The following SUN1 variants were observed in gnomAD, a reference collection of about 807,000 sequenced individuals.
SUN1 encodes SUN domain-containing protein 1.
A neutral mutation model predicts 103.2 loss-of-function variants in SUN1; 61 were observed. The ratio of observed to expected loss-of-function variants is 0.59; its 90% confidence interval spans 0.48 to 0.73. The LOEUF is 0.73. Ranked by LOEUF, SUN1 falls within the 30% of genes least tolerant of loss-of-function variation. The pLI is 0.00. For missense variants in SUN1, 1,052 were observed against 1,034.6 expected (o/e 1.02, Z -0.23); for synonymous variants, 490 against 425.7 (o/e 1.15, Z -1.86).
In SUN1 at chr7:852,023, G is replaced by C; in HGVS notation, c.831G>C (p.Leu277=). ...AGTTTGTTACTTTGATTTCTTGGCT[G>C]AATGTGTTTCTTCTTACCAGGTAAG... ...WYQFVTLISW[L]NVFLLTRCLR... Residue 277 remains leucine, a synonymous_variant, in exon 7 of 19, where the codon CTG becomes CTC. Transcript: ENST00000401592. 1 of 1,614,128 alleles carries C rather than the reference G, an allele frequency of 6.2e-7. No individual in the cohort carries two copies. The highest frequency in any genetic ancestry group is 1.7e-5 in the Admixed American group (1 of 60,022).
Position 854,947 on chromosome 7 carries a change from C to T in SUN1, c.1291C>T (p.His431Tyr). The change falls in exon 11 of 19, where the codon CAT becomes TAT. Residue 431 changes from histidine to tyrosine, a missense_variant. This residue lies in a region of SUN1 where 846 missense variants were observed against 774.5 expected (regional missense o/e 1.09). Transcript: ENST00000401592. Reference sequence around the variant, plus strand: ...TGACTTTATGGCCTTTCACCAAGAACATGAAGTGCGTATGTCACACTTGGA... The same window carrying T: ...TGACTTTATGGCCTTTCACCAAGAATATGAAGTGCGTATGTCACACTTGGA... ...ETDFMAFHQE[H>Y]EVRMSHLEDI... is the part of the protein sequence containing the mutation. The T allele has an allele frequency of 1.2e-6, 2 of 1,613,708 alleles. No homozygotes were observed. The highest frequency in any genetic ancestry group is 2.2e-5 in the South Asian group (2 of 91,008).
rs182071612 is a variant in SUN1 at position 858,875 on chromosome 7, C to T, written c.1524+918C>T. On this transcript the variant is annotated intron_variant, in intron 13 of 18. Transcript: ENST00000401592. ...GGTGACAGAGAAAGCATGCGATAGG[C>T]CGGGCGCCGCGGCTCACGCCTGTGA... Among the ~76,000 whole-genome samples the T allele has an allele frequency of 9.2e-5, 14 of 152,260 alleles. No homozygotes were observed. The East Asian group carries it at 2.1e-3, about 23-fold the overall frequency.
intron 10 of SUN1, among the ~76,000 whole-genome samples, chr7:854,109 T>C (rs1331998793): frequency 6.6e-6 from 1 of 152,116 alleles, no homozygotes; most frequent in African/African-American, 2.4e-5. Context: ...CCTTCTCTTG[T>C]GAAGAAAACA....
intron 13 of SUN1, among the ~76,000 whole-genome samples, chr7:858,826 A>G (rs1384664031): frequency 3.3e-5 from 5 of 152,214 alleles, no homozygotes; most frequent in Non-Finnish European, 5.9e-5. Flanking sequence ...GAGAGCCCCT[A>G]TAATGGGTAG....
At chr7:827,126 A>G (rs188423167) in intron 1 of SUN1, among the ~76,000 whole-genome samples, 4 of 152,134 alleles carry the variant, frequency 2.6e-5, no homozygotes, top group East Asian at 1.9e-4. Flanking sequence ...GGTTCAAGCA[A>G]TTCTCATGCC....
chr7:846,148 G>A (rs550840716), intron 5 of SUN1, among the ~76,000 whole-genome samples: 11 of 151,910 alleles, frequency 7.2e-5, no homozygotes, highest in Non-Finnish European at 1.5e-4. Context: ...TTGCTCTGTT[G>A]CCCAGGCTGG....
rs1210911646 is a variant in SUN1, at chr7:840,727, C to T, written c.267-1219C>T. On this transcript the variant is annotated intron_variant, in intron 2 of 18. Transcript: ENST00000401592. Reference sequence around the variant, plus strand: ...TGCAATCTCGACTCACCACAAGCTCCGCCTCCTGGGTTCACGCCATTCTCC... The same window carrying T: ...TGCAATCTCGACTCACCACAAGCTCTGCCTCCTGGGTTCACGCCATTCTCC... Among the ~76,000 whole-genome samples, 5 of 151,132 alleles carry T rather than the reference C, an allele frequency of 3.3e-5. No individual in the cohort carries two copies. The East Asian group carries it at 5.9e-4, about 18-fold the overall frequency.
chr7:840,718 C>A lies in SUN1; in HGVS notation c.267-1228C>A, dbSNP rs1808795996. Among the ~76,000 whole-genome samples the A allele has an allele frequency of 3.3e-5, 5 of 151,096 alleles. No individual in the cohort carries two copies. In the South Asian group the frequency reaches 1.0e-3, roughly 32 times the overall value. ...GTGCAGTGGTGCAATCTCGACTCAC[C>A]ACAAGCTCCGCCTCCTGGGTTCACG... is the stretch of plus-strand genomic sequence containing the variant. On this transcript the variant is annotated intron_variant, in intron 2 of 18. Coordinates refer to ENST00000401592, the MANE Select transcript of SUN1 (RefSeq NM_001130965.3).
intron 1 of SUN1, among the ~76,000 whole-genome samples, chr7:834,550 G>A (rs1801088300): frequency 6.6e-6 from 1 of 152,200 alleles, no homozygotes; most frequent in African/African-American, 2.4e-5. Flanking sequence ...CCTTGCGTTG[G>A]GTCCTTACAC....
At position 847,368 on chromosome 7, in the gene SUN1, C is replaced by A. The variant is rs1362546622; in HGVS notation, c.658+3848C>A. On this transcript the variant is annotated intron_variant, in intron 5 of 18. Transcript: ENST00000401592. ...CCCGCAGCGCCCTCTCTGGGATCTC[C>A]TGGGGGTTACTCCGCAGTCCAGTCT... Among the ~76,000 whole-genome samples, 4 of 146,594 alleles carry A rather than the reference C, an allele frequency of 2.7e-5. No homozygotes were observed. In the East Asian group the frequency reaches 8.5e-4, roughly 31 times the overall value.
At chr7:842,631 G>A (rs1031801257) in intron 3 of SUN1, 16 of 188,994 alleles carry the variant, frequency 8.5e-5, no homozygotes, top group Non-Finnish European at 1.5e-4. Flanking sequence ...TGGGCAGTGG[G>A]AGCCCCAGCC....
chr7:817,145 AG>A lies in SUN1; in HGVS notation c.-74+479del, dbSNP rs34506534. ...TGGTGGGAAGACGGTTTTATTTAAGAGGGGGGGTCTCGCTGTGTTTCCCAGG... is the reference window on the plus strand; with the variant it reads ...TGGTGGGAAGACGGTTTTATTTAAGAGGGGGGTCTCGCTGTGTTTCCCAGG... On this transcript the variant is annotated intron_variant, in intron 1 of 17. Transcript: ENST00000389574. 3,028 of 422,758 alleles carry A rather than the reference AG, an allele frequency of 7.2e-3. 21 individuals are homozygous for A. Among genetic ancestry groups the A allele is most frequent in the Non-Finnish European group, 9.4e-3 (2,158 of 230,630 alleles). 26.2% of individuals were successfully genotyped at this position (422,758 alleles called of 1,614,324 possible). A position where few individuals can be genotyped will look rare whatever the true frequency, so the allele number is the denominator to read the frequency against.
intron 18 of SUN1, among the ~76,000 whole-genome samples, chr7:872,791 T>C (rs1269004899): frequency 8.5e-5 from 13 of 152,208 alleles, no homozygotes; most frequent in Non-Finnish European, 1.6e-4. Flanking sequence ...GGATCATATT[T>C]AAAAAGTTAA....
At chr7:872,626 C>A in intron 18 of SUN1, 64 bp downstream of exon 18, 4 of 1,330,462 alleles carry the variant, frequency 3.0e-6, no homozygotes, top group South Asian at 1.3e-5. Flanking sequence ...GACAGCAGGG[C>A]CCAGCTGGCA....
intron 11 of SUN1, among the ~76,000 whole-genome samples, chr7:855,404 G>A (rs1046425999): frequency 6.6e-6 from 1 of 152,266 alleles, no homozygotes; most frequent in Non-Finnish European, 1.5e-5. Flanking sequence ...CTAGCTTTGG[G>A]TGGGAAGGCC....
chr7:839,080 C>T (rs889453591), intron 2 of SUN1, 94 bp downstream of exon 2: 4 of 1,312,392 alleles, frequency 3.0e-6, no homozygotes, highest in African/African-American at 3.0e-5. Context: ...CACCCTGTCT[C>T]GAGCTTAAGG....
chr7:848,396 C>T (rs755858289), intron 5 of SUN1: 15 of 1,343,898 alleles, frequency 1.1e-5, no homozygotes, highest in Middle Eastern at 2.1e-4. Flanking sequence ...AGAAATAACG[C>T]ATGTTCATGG....
intron 1 of SUN1, among the ~76,000 whole-genome samples, chr7:837,198 G>C (rs1027165832): frequency 2.0e-5 from 3 of 152,230 alleles, no homozygotes; most frequent in African/African-American, 4.8e-5. Flanking sequence ...TGAAGTGCTG[G>C]GGTGAGCAGG....
At chr7:866,102 T>C (rs1194858724) in intron 16 of SUN1, 35 bp downstream of exon 16, 1 of 1,578,428 alleles carries the variant, frequency 6.3e-7, no homozygotes. Flanking sequence ...CTGCTCCTCT[T>C]CAGCATGGAC....
Sources: allele counts gnomAD v4.1 joint callset (sites outside exome capture counted in the v4.1 genomes callset), GRCh38; gene constraint gnomAD v4.1.1; regional missense constraint gnomAD v4.1.1; transcripts MANE v1.5; gene names NCBI Gene and HGNC (gene_info 2026-07-23, HGNC 2026-07-21).